The following TMEM63B variants were observed in gnomAD, a reference collection of about 807,000 sequenced individuals.
The protein encoded by TMEM63B is mechanosensitive cation channel TMEM63B.
A neutral mutation model predicts 102.6 loss-of-function variants in TMEM63B; 23 were observed. The ratio of observed to expected loss-of-function variants is 0.22; its 90% CI spans 0.16 to 0.32. The LOEUF (loss-of-function observed/expected upper bound fraction) is 0.32, where lower values mean the gene tolerates loss of function less well. Ranked by LOEUF, TMEM63B falls within the 10% of genes least tolerant of loss-of-function variation. The pLI is 1.00. For synonymous variants in TMEM63B, 444 were observed against 437.0 expected (o/e 1.02, Z -0.20); for missense variants, 628 against 1,095.9 (o/e 0.57, Z 6.03).
intron 9 of TMEM63B, 37 bp from the exon 10 acceptor site, chr6:44,140,991 A>C (rs1053556409): frequency 6.2e-7 from 1 of 1,604,784 alleles, no homozygotes; most frequent in Admixed American, 1.7e-5. Flanking sequence ...CACTGGGGTC[A>C]AGCCTCAGAA....
chr6:44,138,634 A>G, intron 6 of TMEM63B, 117 bp downstream of exon 6: 1 of 1,216,218 alleles, frequency 8.2e-7, no homozygotes. Flanking sequence ...CCAGCACAGC[A>G]CCCTCCTCCC....
intron 10 of TMEM63B, among the ~76,000 whole-genome samples, chr6:44,143,567 G>GTTTTTGTTTTTGTTT (rs1554197879): frequency 7.6e-6 from 1 of 132,086 alleles, no homozygotes; most frequent in Non-Finnish European, 1.6e-5. Flanking sequence ...TCTGGTGTTT[G>GTTTTTGTTTTTGTTT]TTGTTTTTGT....
At chr6:44,129,149 C>T (rs775817838) in intron 1 of TMEM63B, among the ~76,000 whole-genome samples, 2 of 152,116 alleles carry the variant, frequency 1.3e-5, no homozygotes, top group African/African-American at 2.4e-5. Flanking sequence ...GGACAGATCA[C>T]TTGAGGTCAG....
intron 10 of TMEM63B, 52 bp from the exon 11 acceptor site, chr6:44,146,794 AG>A: frequency 6.4e-7 from 1 of 1,563,058 alleles, no homozygotes; most frequent in Non-Finnish European, 8.8e-7. Flanking sequence ...GATGAAAGTC[AG>A]GGGCAGGTGG....
Position 44,155,403 on chromosome 6 carries a change from G to A in TMEM63B, c.*520G>A, listed in dbSNP as rs1343909799. ...GTCAGGCTCACAGCTGGGGTGGCCT[G>A]GGGGTGGGGGTGGGCAAGGCTGACA... On this transcript the variant is annotated 3_prime_UTR_variant, in exon 24 of 24. Transcript: ENST00000323267. 6.6e-6 allele frequency: 1 copy of A among 152,230 alleles called. No individual in the cohort carries two copies. Among genetic ancestry groups the A allele is most frequent in the Non-Finnish European group, 1.5e-5 (1 of 68,092 alleles). 9.4% of individuals were successfully genotyped at this position (152,230 alleles called of 1,614,324 possible). A position where few individuals can be genotyped will look rare whatever the true frequency, so the allele number is the denominator to read the frequency against.
In TMEM63B at chr6:44,140,340, C is replaced by G; in HGVS notation, c.691C>G (p.Arg231Gly). ...CATGCGTAGACACACCTCCAAGATG[C>G]GCTACAAGGAGGATGATCTGGTGCG... ...YSMRRHTSKM[R>G]YKEDDLVKRT... The change falls in exon 9 of 24, where the codon CGC becomes GGC. Residue 231 changes from arginine to glycine, a missense_variant. Coordinates refer to ENST00000323267, the MANE Select transcript of TMEM63B (RefSeq NM_018426.3). 1 of 1,613,718 alleles carries G rather than the reference C, an allele frequency of 6.2e-7. No individual in the cohort carries two copies. The highest frequency in any genetic ancestry group is 8.5e-7 in the Non-Finnish European group (1 of 1,179,762).
rs748994220 is a variant in TMEM63B, at chr6:44,154,405, A to G, written c.2267A>G (p.Asn756Ser). ...TETDTVDPRS[N>S]GRPPTAAAVP... ...ACAGATACTGTGGACCCCAGAAGCAATGGACGGCCCCCCACTGCTGCTGCT... is the reference window on the plus strand; with the variant it reads ...ACAGATACTGTGGACCCCAGAAGCAGTGGACGGCCCCCCACTGCTGCTGCT... The change falls in exon 23 of 24, where the codon AAT becomes AGT. Residue 756 changes from asparagine to serine, a missense_variant. Asn to Ser is a conservative substitution (Grantham distance 46). This residue lies in a region of TMEM63B where 129 missense variants were observed against 153.5 expected (regional missense o/e 0.84). Coordinates refer to ENST00000323267, the MANE Select transcript of TMEM63B (RefSeq NM_018426.3). The G allele has an allele frequency of 6.2e-7, 1 of 1,614,042 alleles. No individual in the cohort carries two copies. Among genetic ancestry groups the G allele is most frequent in the South Asian group, 1.1e-5 (1 of 91,088 alleles).
chr6:44,141,175 T>C (rs1014962872), intron 10 of TMEM63B, 77 bp downstream of exon 10: 1 of 1,408,494 alleles, frequency 7.1e-7, no homozygotes, highest in African/African-American at 1.4e-5. Flanking sequence ...AAGAACATCC[T>C]TATACCCTAG....
Position 44,136,451 on chromosome 6 carries a change from C to T in TMEM63B, c.369+12C>T. ...ACCAAAGGGACAATGTGAGTGCCCT[C>T]CCCCCAAACTTCTTAGTCCCCCACC... On this transcript the variant is annotated intron_variant, in intron 5 of 23. Transcript: ENST00000323267. 5 of 1,597,226 alleles carry T rather than the reference C, an allele frequency of 3.1e-6. No individual in the cohort carries two copies. The highest frequency in any genetic ancestry group is 4.3e-6 in the Non-Finnish European group (5 of 1,168,730).
intron 6 of TMEM63B, chr6:44,138,882 A>G: frequency 3.2e-6 from 1 of 310,892 alleles, no homozygotes; most frequent in South Asian, 3.4e-5. Context: ...ATCCAGCCAG[A>G]GTCCAGCAGG....
At position 44,152,431 on chromosome 6, in the gene TMEM63B, C is replaced by T. The variant is rs1194237951; in HGVS notation, c.1837-162C>T. Among the ~76,000 whole-genome samples the T allele has an allele frequency of 6.6e-6, 1 of 152,068 alleles. No individual in the cohort carries two copies. Among genetic ancestry groups the T allele is most frequent in the Non-Finnish European group, 1.5e-5 (1 of 68,006 alleles). ...CCCTCCTCTCGGCCATAGCCCCTCT[C>T]TCCATCTGCTCTGCCCTACCCTACC... On this transcript the variant is annotated intron_variant, in intron 19 of 23. Transcript: ENST00000323267. The surrounding 1 kb of genome is among the most constrained non-coding windows in gnomAD (Gnocchi z 6.4).
At chr6:44,153,393 T>A (rs1767215750) in intron 20 of TMEM63B, among the ~76,000 whole-genome samples, 1 of 152,098 alleles carries the variant, frequency 6.6e-6, no homozygotes, top group Admixed American at 6.5e-5. Flanking sequence ...AGGGACAGGG[T>A]TAGAGAAAAA....
chr6:44,132,261 C>T (rs967365188), intron 1 of TMEM63B: 2 of 985,342 alleles, frequency 2.0e-6, no homozygotes, highest in Non-Finnish European at 1.2e-6. Context: ...ACTTTGTGAC[C>T]CCAAGGAGGC....
intron 1 of TMEM63B, among the ~76,000 whole-genome samples, chr6:44,129,377 A>G (rs974195364): frequency 5.9e-5 from 9 of 151,984 alleles, no homozygotes; most frequent in South Asian, 4.2e-4. Context: ...AAAAAAAAAA[A>G]AAAAAGAAAG....
chr6:44,145,779 G>GAAAC (rs139108753), intron 10 of TMEM63B, among the ~76,000 whole-genome samples: 2 of 151,878 alleles, frequency 1.3e-5, no homozygotes, highest in African/African-American at 2.4e-5. Context: ...CAGAATATTT[G>GAAAC]AAACAAACAA....
At position 44,152,698 on chromosome 6, in the gene TMEM63B, G is replaced by A; in HGVS notation, c.1942G>A (p.Gly648Arg). The change falls in exon 20 of 24, where the codon GGG (glycine) becomes AGG (arginine). Residue 648 changes from glycine (G) to arginine (R), a missense_variant and splice_region_variant. Physicochemically the swap from Gly to Arg is moderately radical, Grantham distance 125. Coordinates refer to ENST00000323267, the MANE Select transcript of TMEM63B (RefSeq NM_018426.3). The surrounding 1 kb of genome is among the most constrained non-coding windows in gnomAD (Gnocchi z 6.4). ...CACCTGCCCCATCATCGTGCCCTTC[G>A]GTAGGCACCGCCGCGCCGGGACCTG... The part of the protein sequence containing the change: ...SITCPIIVPF[G>R]LMYMLLKHLV... 3 of 1,605,186 alleles carry A rather than the reference G, an allele frequency of 1.9e-6. No individual in the cohort carries two copies. Among genetic ancestry groups the A allele is most frequent in the Non-Finnish European group, 2.5e-6 (3 of 1,179,332 alleles).
chr6:44,147,452 C>A lies in TMEM63B; in HGVS notation c.939C>A (p.Pro313=). ...AGAACGTGCCTACCATGATCAACCC[C>A]AAGCCCTGTGGCCACCTCTGCTGCT... ...SKENVPTMIN[P]KPCGHLCCCV... is the part of the protein sequence containing the mutation. Residue 313 remains proline (P), a synonymous_variant, in exon 12 of 24, where the codon CCC becomes CCA. Transcript: ENST00000323267. The A allele has an allele frequency of 6.2e-7, 1 of 1,614,156 alleles. No individual in the cohort carries two copies. The highest frequency in any genetic ancestry group is 8.5e-7 in the Non-Finnish European group (1 of 1,180,040).
At chr6:44,147,781 A>C (rs1425578956) in intron 12 of TMEM63B, among the ~76,000 whole-genome samples, 1 of 152,196 alleles carries the variant, frequency 6.6e-6, no homozygotes, top group Admixed American at 6.5e-5. Flanking sequence ...GGGTTAACGT[A>C]CCCACCTTAT....
chr6:44,144,125 A>G (rs1764853471), intron 10 of TMEM63B, among the ~76,000 whole-genome samples: 1 of 152,198 alleles, frequency 6.6e-6, no homozygotes, highest in African/African-American at 2.4e-5. Context: ...ATTATGGAGT[A>G]GCCATTTCAT....
Sources: allele counts gnomAD v4.1 joint callset (sites outside exome capture counted in the v4.1 genomes callset), GRCh38; gene constraint gnomAD v4.1.1; regional missense constraint gnomAD v4.1.1; non-coding constraint Gnocchi (gnomAD v3.1); transcripts MANE v1.5; gene names NCBI Gene and HGNC (gene_info 2026-07-23, HGNC 2026-07-21).